DEPDC5: variants seen among roughly 807,000 people sequenced by gnomAD.
The protein encoded by DEPDC5 is DEP domain containing 5, GATOR1 subcomplex subunit.
DEPDC5 carries 73 observed loss-of-function variants against 217.3 expected under a neutral mutation model. The ratio of observed to expected loss-of-function variants is 0.34; its 90% CI spans 0.28 to 0.41. DEPDC5 has a LOEUF of 0.41. DEPDC5 is among the 10% of genes least tolerant of loss of function. The pLI, the probability that DEPDC5 is intolerant of heterozygous loss-of-function variation, is 1.00. For missense variants in DEPDC5, 1,675 were observed against 2,070.1 expected (o/e 0.81, Z 3.70); for synonymous variants, 733 against 756.7 (o/e 0.97, Z 0.51).
intron 21 of DEPDC5, chr22:31,815,573 TG>T: frequency 1.7e-6 from 1 of 604,808 alleles, no homozygotes; most frequent in Non-Finnish European, 2.9e-6. Flanking sequence ...TTTGTAGAGG[TG>T]GGGAAGTGCA....
intron 20 of DEPDC5, among the ~76,000 whole-genome samples, chr22:31,812,420 C>CTTTTTTTT (rs57618137): frequency 1.5e-3 from 145 of 98,280 alleles, no homozygotes; most frequent in Non-Finnish European, 2.0e-3. Flanking sequence ...TTCCATATTT[C>CTTTTTTTT]TTTTTTTTTT....
chr22:31,837,110 A>G lies in DEPDC5; in HGVS notation c.2309A>G (p.Tyr770Cys). ...FPDRQGLQND[Y>C]TEGCYDLLPE... ...GACCGCCAGGGCCTGCAGAATGACT[A>G]CACAGAGGGCTGTTATGATCTCCTT... The change falls in exon 26 of 43, where the codon TAC becomes TGC. Residue 770 changes from tyrosine to cysteine, a missense_variant. Physicochemically the swap from Tyr to Cys is radical, Grantham distance 194 (BLOSUM62 -2). Transcript: ENST00000651528. 6.2e-7 allele frequency: 1 copy of G among 1,614,132 alleles called. No homozygotes were observed. The highest frequency in any genetic ancestry group is 1.1e-5 in the South Asian group (1 of 91,080).
intron 23 of DEPDC5, 38 bp downstream of exon 23, chr22:31,821,675 A>G: frequency 1.2e-6 from 2 of 1,601,836 alleles, no homozygotes; most frequent in South Asian, 1.1e-5. Context: ...GTAACCTGAG[A>G]ACACTCTCCA....
intron 7 of DEPDC5, chr22:31,769,524 T>G (rs2083145083): frequency 6.6e-6 from 1 of 152,192 alleles, no homozygotes; most frequent in South Asian, 2.1e-4. Flanking sequence ...GGCTCCTGAT[T>G]TGTTACCTTT....
intron 12 of DEPDC5, among the ~76,000 whole-genome samples, chr22:31,795,363 C>T (rs2086127975): frequency 6.6e-6 from 1 of 151,398 alleles, no homozygotes; most frequent in South Asian, 2.1e-4. Context: ...AGCCACTGCG[C>T]TGGGCCTCCA....
Position 31,819,150 on chromosome 22 carries a change from A to C in DEPDC5, c.1795A>C (p.Asn599His). The change falls in exon 22 of 43, where the codon AAC becomes CAC. Residue 599 changes from asparagine to histidine, a missense_variant. Asn to His is a moderately conservative substitution (Grantham distance 68). Transcript: ENST00000651528. ...GGYTPQRALINPFAPSRMPMK... is the reference protein window; with the variant it reads ...GGYTPQRALIHPFAPSRMPMK... ...ATACACGCCCCAGAGAGCACTGATTAACCCCTTCGCTCCCTCTCGGATGCC... is the reference window on the plus strand; with the variant it reads ...ATACACGCCCCAGAGAGCACTGATTCACCCCTTCGCTCCCTCTCGGATGCC... 2 of 1,614,166 alleles carry C rather than the reference A, an allele frequency of 1.2e-6. No individual in the cohort carries two copies. Among genetic ancestry groups the C allele is most frequent in the Non-Finnish European group, 1.7e-6 (2 of 1,180,030 alleles).
At chr22:31,862,823 C>T (rs1041603286) in intron 33 of DEPDC5, among the ~76,000 whole-genome samples, 1 of 152,178 alleles carries the variant, frequency 6.6e-6, no homozygotes, top group African/African-American at 2.4e-5. Flanking sequence ...CCTTTGAGTC[C>T]TAATCTAAGC....
intron 13 of DEPDC5, 68 bp downstream of exon 13, chr22:31,797,771 AAG>A: frequency 8.3e-7 from 1 of 1,206,918 alleles, no homozygotes; most frequent in South Asian, 1.2e-5. Context: ...GGAGACAGAG[AAG>A]AGATGTGTGC....
In DEPDC5 at chr22:31,906,365, CAGCGCCACAGGGG is replaced by C; in HGVS notation, c.4682_4694del (p.Ser1561MetfsTer9). ...CCATGCTCACCAAAACATGGCGCTC[CAGCGCCACAGGGG>C]ATGAAAAGTTTGCTGATCGGCTGCT... On this transcript the variant is annotated frameshift_variant, in exon 43 of 43. Coordinates refer to ENST00000651528, the MANE Select transcript of DEPDC5 (RefSeq NM_001242896.3). LOFTEE classifies it high-confidence loss of function. The surrounding 1 kb of genome is among the most constrained non-coding windows in gnomAD (Gnocchi z 5.1). 1 of 1,614,080 alleles carries C rather than the reference CAGCGCCACAGGGG, an allele frequency of 6.2e-7. No individual in the cohort carries two copies. Among genetic ancestry groups the C allele is most frequent in the East Asian group, 2.2e-5 (1 of 44,890 alleles).
intron 31 of DEPDC5, among the ~76,000 whole-genome samples, chr22:31,850,322 T>G (rs1044714672): frequency 6.6e-6 from 1 of 152,124 alleles, no homozygotes; most frequent in Non-Finnish European, 1.5e-5. Flanking sequence ...CAATTTCAGT[T>G]ACCCAAGGTC....
At chr22:31,796,427 A>G (rs2086254040) in intron 12 of DEPDC5, among the ~76,000 whole-genome samples, 1 of 152,156 alleles carries the variant, frequency 6.6e-6, no homozygotes, top group African/African-American at 2.4e-5. Context: ...ATTTCTACAT[A>G]GAAATTACAT....
At chr22:31,862,408 T>G (rs2092548399) in intron 33 of DEPDC5, among the ~76,000 whole-genome samples, 1 of 148,438 alleles carries the variant, frequency 6.7e-6, no homozygotes, top group South Asian at 2.1e-4. Context: ...CTACTAAAAT[T>G]GCAAAAAGTA....
intron 18 of DEPDC5, among the ~76,000 whole-genome samples, chr22:31,809,103 G>A (rs974425688): frequency 1.3e-5 from 2 of 152,110 alleles, no homozygotes; most frequent in Non-Finnish European, 2.9e-5. Flanking sequence ...AGATCTTTAA[G>A]AAAATGTAAA....
chr22:31,872,432 C>G lies in DEPDC5; in HGVS notation c.3486-823C>G, dbSNP rs117510009. On this transcript the variant is annotated intron_variant, in intron 34 of 42. Transcript: ENST00000651528. ...TATAAACATTCGCCTCACATCAGCC[C>G]TCAAAGACAGGAACAGCATTAACCC... Among the ~76,000 whole-genome samples, 61 of 152,348 alleles carry G rather than the reference C, an allele frequency of 4.0e-4. No individual in the cohort carries two copies. The East Asian group carries it at 0.011, about 27-fold the overall frequency.
At chr22:31,877,173 C>T (rs5998155) in intron 37 of DEPDC5, among the ~76,000 whole-genome samples, 11,319 of 151,504 alleles carry the variant, frequency 0.075, 468 homozygotes, top group Admixed American at 0.12. Flanking sequence ...CTGCGGCTCA[C>T]GCCTATAATC....
At chr22:31,805,070 C>T in intron 17 of DEPDC5, 155 bp downstream of exon 17, 1 of 654,454 alleles carries the variant, frequency 1.5e-6, no homozygotes, top group South Asian at 1.9e-5. Flanking sequence ...GCTCTGTACA[C>T]ACAAAGCAGT....
chr22:31,882,712 G>T (rs113143052), intron 38 of DEPDC5, among the ~76,000 whole-genome samples: 2,204 of 151,974 alleles, frequency 0.015, 17 homozygotes, highest in Middle Eastern at 0.031. Flanking sequence ...CTTTTAAGGT[G>T]GGAAGTAACT....
At chr22:31,844,950 G>T in intron 29 of DEPDC5, 68 bp from the exon 30 acceptor site, 1 of 1,535,554 alleles carries the variant, frequency 6.5e-7, no homozygotes, top group Non-Finnish European at 9.0e-7. Flanking sequence ...TCCACAGAGA[G>T]TTTACTGAGA....
chr22:31,877,436 CAAAAAAAAAA>C (rs71184527), intron 37 of DEPDC5, among the ~76,000 whole-genome samples: 12 of 21,018 alleles, frequency 5.7e-4, no homozygotes, highest in African/African-American at 1.1e-3. Flanking sequence ...GACTCCATCT[CAAAAAAAAAA>C]AAAAAAAAAA....
Sources: gnomAD v4.1 joint callset for allele counts (sites outside exome capture counted in the v4.1 genomes callset) on GRCh38, gnomAD v4.1.1 for gene constraint, Gnocchi (gnomAD v3.1) non-coding constraint, MANE v1.5 for transcripts, NCBI Gene and HGNC (gene_info 2026-07-23, HGNC 2026-07-21) for gene names.